Variants in TMEM221 observed in about 807,000 individuals in gnomAD.
The protein encoded by TMEM221 is transmembrane protein 221, also known as Putative transmembrane protein ENSP00000342162.
Under a neutral mutation model 10.2 loss-of-function variants are expected in TMEM221, and 11 were observed. That is an observed-to-expected ratio of 1.08 (90% CI 0.68 to 1.79). The LOEUF (loss-of-function observed/expected upper bound fraction) is 1.79, where lower values mean the gene tolerates loss of function less well. Among genes scored for constraint, TMEM221 ranks in the 40% most tolerant of loss-of-function variants. The pLI is 0.00. For synonymous variants in TMEM221, 172 were observed against 199.8 expected, an observed-to-expected ratio of 0.86 and a Z score of 1.18; for missense variants, 382 against 417.7, an observed-to-expected ratio of 0.91 and a Z score of 0.75.
chr19:17,445,386 A>G (rs1599620477), intron 1 of TMEM221, 102 bp from the exon 2 acceptor site: 1 of 981,342 alleles, frequency 1.0e-6, no homozygotes, highest in Non-Finnish European at 1.5e-6. Context: ...TGAGACAAGG[A>G]CCCAGCTTTC....
Position 17,436,791 on chromosome 19 carries a change from A to G in TMEM221, c.543T>C (p.Arg181=). The change falls in exon 3 of 3, where the codon CGT becomes CGC. Residue 181 remains arginine (R), a synonymous_variant. Coordinates refer to ENST00000341130, the MANE Select transcript of TMEM221 (RefSeq NM_001190844.2). ...TLLRAARAAR[R]GLHELSPPSF... ...ATGGCGGGGACAACTCATGGAGCCCACGGCGGGCAGCCCGGGCAGCCCGGA... is the reference window on the plus strand; with the variant it reads ...ATGGCGGGGACAACTCATGGAGCCCGCGGCGGGCAGCCCGGGCAGCCCGGA... 6.6e-7 allele frequency: 1 copy of G among 1,517,222 alleles called. No individual in the cohort carries two copies. 94.0% of individuals were successfully genotyped at this position (1,517,222 alleles called of 1,614,324 possible).
chr19:17,441,844 T>G (rs2074933285), intron 2 of TMEM221, among the ~76,000 whole-genome samples: 1 of 148,004 alleles, frequency 6.8e-6, no homozygotes, highest in Non-Finnish European at 1.5e-5. Context: ...TTTTTTTTTT[T>G]GGCTGGAAAC....
intron 2 of TMEM221, among the ~76,000 whole-genome samples, chr19:17,439,226 C>T (rs1004385420): frequency 1.3e-5 from 2 of 149,754 alleles, no homozygotes; most frequent in African/African-American, 4.9e-5. Flanking sequence ...AAAAAAGCCT[C>T]CCTGTTGGTG....
Position 17,436,244 on chromosome 19 carries a change from T to C in TMEM221, c.*214A>G, listed in dbSNP as rs1295791456. ...CCTGGGAAGACTTCCAGGAGACACC[T>C]AGCCAGCGCTGGCCTCTGACTTTCC... is the stretch of plus-strand genomic sequence containing the variant. On this transcript the variant is annotated 3_prime_UTR_variant, in exon 3 of 3. Transcript: ENST00000341130. The C allele has an allele frequency of 3.8e-6, 2 of 532,460 alleles. No homozygotes were observed. The highest frequency in any genetic ancestry group is 6.5e-6 in the Non-Finnish European group (2 of 305,938). The allele number at this position is 532,460 out of a possible 1,614,324, so 33.0% of individuals were successfully genotyped here.
At position 17,435,886 on chromosome 19, in the gene TMEM221, C is replaced by G. The variant is rs7250963; in HGVS notation, c.*572G>C. ...ACACATGGATTTGAAATGTTCACAGCCCGAGGGGGTGCAGTGGATTTTGCA... is the reference window on the plus strand; with the variant it reads ...ACACATGGATTTGAAATGTTCACAGGCCGAGGGGGTGCAGTGGATTTTGCA... On this transcript the variant is annotated 3_prime_UTR_variant, in exon 3 of 3. Coordinates refer to ENST00000341130, the MANE Select transcript of TMEM221 (RefSeq NM_001190844.2). 1,307 of 152,472 alleles carry G rather than the reference C, an allele frequency of 8.6e-3. 6 individuals are homozygous for G. Among genetic ancestry groups the G allele is most frequent in the Non-Finnish European group, 0.012 (798 of 68,184 alleles). 9.4% of individuals were successfully genotyped at this position (152,472 alleles called of 1,614,324 possible).
rs1352061644 is a variant in TMEM221 at position 17,448,052 on chromosome 19, C to T, written c.320+91G>A. The T allele has an allele frequency of 1.8e-6, 2 of 1,119,302 alleles. No homozygotes were observed. The highest frequency in any genetic ancestry group is 1.6e-5 in the African/African-American group (1 of 61,244). 69.3% of individuals were successfully genotyped at this position (1,119,302 alleles called of 1,614,324 possible). A position where few individuals can be genotyped will look rare whatever the true frequency, so the allele number is the denominator to read the frequency against. On this transcript the variant is annotated intron_variant, in intron 1 of 2. Coordinates refer to ENST00000341130, the MANE Select transcript of TMEM221 (RefSeq NM_001190844.2). This position sits in a 1 kb window ranked among gnomAD's most constrained non-coding sequence, Gnocchi z 4.7. ...GGGAAGTGGGGAGGGAAGCTGTCCCCCCAGCCTGAGGCCAAAAGAGGGGAA... is the reference window on the plus strand; with the variant it reads ...GGGAAGTGGGGAGGGAAGCTGTCCCTCCAGCCTGAGGCCAAAAGAGGGGAA...
At position 17,445,297 on chromosome 19, in the gene TMEM221, G is replaced by A; in HGVS notation, c.321-13C>T. The A allele has an allele frequency of 6.5e-7, 1 of 1,531,210 alleles. No homozygotes were observed. The highest frequency in any genetic ancestry group is 1.2e-5 in the South Asian group (1 of 83,896). The allele number at this position is 1,531,210 out of a possible 1,614,324, so 94.9% of individuals were successfully genotyped here. The stretch of plus-strand genomic sequence containing the variant: ...AAACCAGTCAGACCTGGAATGAAGG[G>A]GAGCAGGAAGATAAAGGGTTCAGGA... On this transcript the variant is annotated splice_polypyrimidine_tract_variant and intron_variant, in intron 1 of 2. Transcript: ENST00000341130.
chr19:17,446,721 C>CTAT (rs1446798473), intron 1 of TMEM221, among the ~76,000 whole-genome samples: 1 of 151,708 alleles, frequency 6.6e-6, no homozygotes, highest in Non-Finnish European at 1.5e-5. Context: ...TTACCATCTG[C>CTAT]TATTATTATT....
At chr19:17,442,437 T>A (rs890627931) in intron 2 of TMEM221, among the ~76,000 whole-genome samples, 1 of 110,792 alleles carries the variant, frequency 9.0e-6, no homozygotes, top group African/African-American at 2.8e-5. Context: ...TTCTTTCTTT[T>A]CTTTCTTTTT....
chr19:17,444,116 T>A (rs761771478), intron 2 of TMEM221, among the ~76,000 whole-genome samples: 16 of 143,856 alleles, frequency 1.1e-4, no homozygotes, highest in Non-Finnish European at 2.0e-4. Flanking sequence ...GGTTTTGCCC[T>A]TGTTGCCCAG....
intron 1 of TMEM221, among the ~76,000 whole-genome samples, chr19:17,446,037 G>C (rs1409052191): frequency 3.3e-5 from 5 of 151,632 alleles, no homozygotes; most frequent in Non-Finnish European, 5.9e-5. Context: ...TATTTGACCA[G>C]CACTCATATA....
Position 17,448,321 on chromosome 19 carries a change from C to G in TMEM221, c.142G>C (p.Gly48Arg). 3.1e-6 allele frequency: 4 copies of G among 1,276,534 alleles called. No homozygotes were observed. The highest frequency in any genetic ancestry group is 4.0e-6 in the Non-Finnish European group (4 of 1,012,508). The allele number at this position is 1,276,534 out of a possible 1,614,324, so 79.1% of individuals were successfully genotyped here. A position where few individuals can be genotyped will look rare whatever the true frequency, so the allele number is the denominator to read the frequency against. The change falls in exon 1 of 3, where the codon GGG becomes CGG. Residue 48 changes from glycine (G) to arginine (R), a missense_variant. Transcript: ENST00000341130. The surrounding 1 kb of genome is among the most constrained non-coding windows in gnomAD (Gnocchi z 4.7). ...RAELRGLRAE[G>R]LGQELGAGPG... ...CCGGCGCCCAGCTCCTGGCCCAGCC[C>G]CTCGGCGCGCAGCCCCCGCAGCTCG...
chr19:17,441,211 GAAAAAAAA>G (rs569733675), intron 2 of TMEM221, among the ~76,000 whole-genome samples: 1 of 51,788 alleles, frequency 1.9e-5, no homozygotes, highest in South Asian at 7.7e-4. Flanking sequence ...CCATCTCAGA[GAAAAAAAA>G]AAAAAAAAAA....
Position 17,436,453 on chromosome 19 carries a change from T to G in TMEM221, c.*5A>C, listed in dbSNP as rs1340960657. 2.0e-6 allele frequency: 3 copies of G among 1,500,974 alleles called. No homozygotes were observed. The Admixed American group carries it at 6.1e-5, about 30-fold the overall frequency. 93.0% of individuals were successfully genotyped at this position (1,500,974 alleles called of 1,614,324 possible). A position where few individuals can be genotyped will look rare whatever the true frequency, so the allele number is the denominator to read the frequency against. On this transcript the variant is annotated 3_prime_UTR_variant, in exon 3 of 3. Coordinates refer to ENST00000341130, the MANE Select transcript of TMEM221 (RefSeq NM_001190844.2). ...ACACCAGGTCTCTATTCCTCATCCCTGGGCTCACACCAGTGTGGAGTCCTT... is the reference window on the plus strand; with the variant it reads ...ACACCAGGTCTCTATTCCTCATCCCGGGGCTCACACCAGTGTGGAGTCCTT...
chr19:17,441,565 CT>C (rs1259658974), intron 2 of TMEM221, among the ~76,000 whole-genome samples: 1 of 152,172 alleles, frequency 6.6e-6, no homozygotes, highest in Non-Finnish European at 1.5e-5. Context: ...ATTGCTTCCC[CT>C]GATGTTAGTG....
intron 1 of TMEM221, 58 bp from the exon 2 acceptor site, chr19:17,445,342 G>T (rs1326190900): frequency 1.4e-6 from 2 of 1,424,892 alleles, no homozygotes; most frequent in South Asian, 1.2e-5. Flanking sequence ...GGTGGGGGGA[G>T]GTCAGTGAGG....
chr19:17,442,416 G>A (rs2074935455), intron 2 of TMEM221, among the ~76,000 whole-genome samples: 1 of 148,826 alleles, frequency 6.7e-6, no homozygotes, highest in Non-Finnish European at 1.5e-5. Context: ...GAACCACCAT[G>A]CCTGGCTAAT....
intron 2 of TMEM221, among the ~76,000 whole-genome samples, chr19:17,443,919 A>G (rs931291069): frequency 6.6e-6 from 1 of 151,986 alleles, no homozygotes; most frequent in African/African-American, 2.4e-5. Context: ...TTGATTGAAG[A>G]AAAGTTATTA....
At chr19:17,446,188 C>T (rs2074952585) in intron 1 of TMEM221, among the ~76,000 whole-genome samples, 2 of 133,288 alleles carry the variant, frequency 1.5e-5, no homozygotes, top group African/African-American at 5.1e-5. Context: ...CACCCCTCAT[C>T]CATCCATCCA....
Sources: gnomAD v4.1 joint callset for allele counts (sites outside exome capture counted in the v4.1 genomes callset) on GRCh38, gnomAD v4.1.1 for gene constraint, Gnocchi (gnomAD v3.1) non-coding constraint, MANE v1.5 for transcripts, NCBI Gene and HGNC (gene_info 2026-07-23, HGNC 2026-07-21) for gene names.